AKAP13: variants seen among roughly 807,000 people sequenced by gnomAD.
AKAP13 encodes the protein A-kinase anchor protein 13.
In AKAP13, 80 loss-of-function variants were observed where a neutral mutation model predicts 264.5. The ratio of observed to expected loss-of-function variants is 0.30; its 90% CI spans 0.25 to 0.36. The LOEUF is 0.36. Among genes scored for constraint, AKAP13 ranks in the 10% least tolerant of loss-of-function variants. The pLI is 1.00. For missense variants in AKAP13, 3,712 were observed against 3,435.2 expected, an observed-to-expected ratio of 1.08 and a Z score of -2.01; for synonymous variants, 1,380 against 1,250.2, an observed-to-expected ratio of 1.10 and a Z score of -2.19.
intron 1 of AKAP13, among the ~76,000 whole-genome samples, chr15:85,462,190 TG>T (rs965211128): frequency 9.9e-5 from 15 of 152,206 alleles, no homozygotes; most frequent in African/African-American, 3.6e-4. Context: ...ATGTGACAGC[TG>T]GAAGTCCATA....
chr15:85,632,828 A>T (rs530917746), intron 8 of AKAP13, among the ~76,000 whole-genome samples: 1 of 151,966 alleles, frequency 6.6e-6, no homozygotes, highest in African/African-American at 2.4e-5. Context: ...GTGGAATGAC[A>T]TGTGGTATTG....
chr15:85,478,012 C>G (rs1236995157), intron 1 of AKAP13, among the ~76,000 whole-genome samples: 1 of 152,148 alleles, frequency 6.6e-6, no homozygotes, highest in Non-Finnish European at 1.5e-5. Flanking sequence ...GTGGAACTTT[C>G]CCCATGGTTT....
rs373123432 is a variant in AKAP13, at chr15:85,579,606, T to C, written c.1538T>C (p.Ile513Thr). The C allele has an allele frequency of 3.1e-6, 5 of 1,614,240 alleles. No homozygotes were observed. The highest frequency in any genetic ancestry group is 2.2e-5 in the South Asian group (2 of 91,092). The change falls in exon 7 of 37, where the codon ATT becomes ACT. Residue 513 changes from isoleucine to threonine, a missense_variant. By Grantham distance (89) the Ile-to-Thr change is moderately conservative. Around this residue, in one of 3 missense-constraint regions of AKAP13, gnomAD observed 2,759 missense variants for 2,411.7 expected, o/e 1.14. Coordinates refer to ENST00000394518, the MANE Select transcript of AKAP13 (RefSeq NM_007200.5). ...STKERFENSNIGTAGASDVHV... is the reference protein window; with the variant it reads ...STKERFENSNTGTAGASDVHV... ...AAGGAAAGATTTGAGAACTCTAATA[T>C]TGGCACAGCTGGAGCCTCTGACGTG...
At chr15:85,490,339 A>G (rs918837259) in intron 2 of AKAP13, among the ~76,000 whole-genome samples, 4 of 152,168 alleles carry the variant, frequency 2.6e-5, no homozygotes, top group African/African-American at 4.8e-5. Context: ...GAAGAAGGAG[A>G]TGATGATCTT....
chr15:85,473,214 G>A (rs1046386644), intron 1 of AKAP13, among the ~76,000 whole-genome samples: 3 of 152,164 alleles, frequency 2.0e-5, no homozygotes, highest in African/African-American at 7.2e-5. Context: ...TAAAAGTAAA[G>A]CTACTGCTTT....
At chr15:85,671,168 T>G (rs2083904695) in intron 14 of AKAP13, among the ~76,000 whole-genome samples, 1 of 152,066 alleles carries the variant, frequency 6.6e-6, no homozygotes, top group African/African-American at 2.4e-5. Context: ...TAATTCAGTT[T>G]AAGAGTTGGT....
intron 14 of AKAP13, among the ~76,000 whole-genome samples, chr15:85,673,144 G>A (rs1193677913): frequency 6.6e-6 from 1 of 152,116 alleles, no homozygotes; most frequent in Non-Finnish European, 1.5e-5. Context: ...TCTTTTGTTG[G>A]GTCATTTGCT....
At chr15:85,631,524 A>T (rs866922065) in intron 8 of AKAP13, among the ~76,000 whole-genome samples, 35,797 of 146,420 alleles carry the variant, frequency 0.24, 4,762 homozygotes, top group Admixed American at 0.32. Context: ...ACACACACAC[A>T]CACACACACA....
chr15:85,716,002 CTTTTTT>C (rs71141478), intron 20 of AKAP13, 79 bp downstream of exon 20: 3 of 1,269,858 alleles, frequency 2.4e-6, no homozygotes, highest in African/African-American at 3.3e-5. Flanking sequence ...TGACAAAAAG[CTTTTTT>C]TTTTTTTTAA....
intron 3 of AKAP13, among the ~76,000 whole-genome samples, chr15:85,524,895 G>GTGTGTGTGTGTGTGTGTC (rs1253728213): frequency 7.9e-5 from 12 of 151,360 alleles, no homozygotes; most frequent in African/African-American, 2.7e-4. Context: ...GTGTGTGTGT[G>GTGTGTGTGTGTGTGTGTC]TGTGTGTCTG....
intron 1 of AKAP13, among the ~76,000 whole-genome samples, chr15:85,456,885 T>C (rs1398019847): frequency 6.6e-6 from 1 of 152,204 alleles, no homozygotes; most frequent in African/African-American, 2.4e-5. Flanking sequence ...ATGAACCTTC[T>C]CTAAAAATTT....
intron 2 of AKAP13, among the ~76,000 whole-genome samples, chr15:85,504,860 T>A (rs965059173): frequency 1.3e-5 from 2 of 152,050 alleles, no homozygotes; most frequent in African/African-American, 4.8e-5. Context: ...TCTCGCTTGC[T>A]CTTTCTCGCT....
At position 85,743,757 on chromosome 15, in the gene AKAP13, G is replaced by C; in HGVS notation, c.8324G>C (p.Gly2775Ala). 1 of 1,613,902 alleles carries C rather than the reference G, an allele frequency of 6.2e-7. No homozygotes were observed. Among genetic ancestry groups the C allele is most frequent in the Non-Finnish European group, 8.5e-7 (1 of 1,179,984 alleles). ...ACCTCTGCCTCTACCCGCCTGTTTG[G>C]GTTAACAAAGCCAAAGGAAAAGAAG... ...ASTSASTRLF[G>A]LTKPKEKKEK... Residue 2775 changes from glycine (G) to alanine (A), a missense_variant, in exon 36 of 37, where the codon GGG becomes GCG. By Grantham distance (60) the Gly-to-Ala change is moderately conservative. Coordinates refer to ENST00000394518, the MANE Select transcript of AKAP13 (RefSeq NM_007200.5).
At position 85,581,794 on chromosome 15, in the gene AKAP13, T is replaced by C. The variant is rs1192127891; in HGVS notation, c.3726T>C (p.Pro1242=). ...TCTCTGCCCAGGACGCACCTCTGCC[T>C]AAGGGGGCAGACTTGATAGAGGAGG... ...CMVSAQDAPL[P]KGADLIEEAA... Residue 1242 remains proline, a synonymous_variant, in exon 7 of 37, where the codon CCT becomes CCC. Transcript: ENST00000394518. 1 of 1,614,120 alleles carries C rather than the reference T, an allele frequency of 6.2e-7. No homozygotes were observed. Among genetic ancestry groups the C allele is most frequent in the Admixed American group, 1.7e-5 (1 of 60,018 alleles).
Position 85,582,065 on chromosome 15 carries a change from G to C in AKAP13, c.3997G>C (p.Glu1333Gln). ...ATGTTTTGCTGGAAGGGAGGAGCCA[G>C]AGAAGATCATTTTACCTGTCCAGGG... ...AGCFAGREEP[E>Q]KIILPVQGPE... is the part of the protein sequence containing the mutation. The change falls in exon 7 of 37, where the codon GAG (glutamate) becomes CAG (glutamine). Residue 1333 changes from glutamate (E) to glutamine (Q), a missense_variant. Physicochemically the swap from Glu to Gln is conservative, Grantham distance 29. Around this residue, in one of 3 missense-constraint regions of AKAP13, gnomAD observed 2,759 missense variants for 2,411.7 expected, o/e 1.14. Coordinates refer to ENST00000394518, the MANE Select transcript of AKAP13 (RefSeq NM_007200.5). 6.2e-7 allele frequency: 1 copy of C among 1,613,082 alleles called. No homozygotes were observed. Among genetic ancestry groups the C allele is most frequent in the East Asian group, 2.2e-5 (1 of 44,876 alleles).
At position 85,655,708 on chromosome 15, in the gene AKAP13, C is replaced by T. The variant is rs2083060920; in HGVS notation, c.4666C>T (p.Arg1556Cys). The T allele has an allele frequency of 3.1e-6, 5 of 1,614,154 alleles. No individual in the cohort carries two copies. Among genetic ancestry groups the T allele is most frequent in the Non-Finnish European group, 3.4e-6 (4 of 1,180,006 alleles). Residue 1556 changes from arginine to cysteine, a missense_variant, in exon 11 of 37, where the codon CGC (arginine) becomes TGC (cysteine). By Grantham distance (180) the Arg-to-Cys change is radical. Coordinates refer to ENST00000394518, the MANE Select transcript of AKAP13 (RefSeq NM_007200.5). Reference sequence around the variant, plus strand: ...CTGCTCTGTCCTAAGGAGCTCCATGCGCTCTCTTTCTCCCTTCCGGAGGCA... The same window carrying T: ...CTGCTCTGTCCTAAGGAGCTCCATGTGCTCTCTTTCTCCCTTCCGGAGGCA... ...ANCSVLRSSM[R>C]SLSPFRRHSW...
chr15:85,687,107 G>C (rs144980352), intron 16 of AKAP13, among the ~76,000 whole-genome samples: 10 of 151,994 alleles, frequency 6.6e-5, no homozygotes, highest in African/African-American at 2.2e-4. Context: ...AAAAAACAAC[G>C]TAAGATGGAA....
At chr15:85,604,459 G>T (rs529403130) in intron 8 of AKAP13, among the ~76,000 whole-genome samples, 2 of 151,500 alleles carry the variant, frequency 1.3e-5, no homozygotes, top group Admixed American at 6.6e-5. Context: ...AGCTGCTGCT[G>T]CTGCTGCTTT....
intron 16 of AKAP13, among the ~76,000 whole-genome samples, chr15:85,688,560 G>C (rs1239571408): frequency 6.6e-6 from 1 of 152,118 alleles, no homozygotes; most frequent in East Asian, 1.9e-4. Context: ...TATGAAAATA[G>C]GTTATAGTGA....
Sources: allele counts gnomAD v4.1 joint callset (sites outside exome capture counted in the v4.1 genomes callset), GRCh38; gene constraint gnomAD v4.1.1; regional missense constraint gnomAD v4.1.1; transcripts MANE v1.5; gene names NCBI Gene and HGNC (gene_info 2026-07-23, HGNC 2026-07-21).